Variants in TTC38 observed in about 807,000 individuals in gnomAD.
TTC38 encodes tetratricopeptide repeat domain 38.
TTC38 carries 64 observed loss-of-function variants against 64.2 expected under a neutral mutation model. That is an observed-to-expected ratio of 1.00 (90% CI 0.81 to 1.23). TTC38 has a LOEUF of 1.23. Among genes scored for constraint, TTC38 ranks in the 50% most tolerant of loss-of-function variants. The probability of loss-of-function intolerance (pLI) is 0.00; values close to 1 mark genes in which losing one functional copy is unlikely to be tolerated. For synonymous variants in TTC38, 254 were observed against 249.3 expected (o/e 1.02, Z -0.18); for missense variants, 573 against 615.5 (o/e 0.93, Z 0.73).
In TTC38 at chr22:46,273,492, C is replaced by T. The variant is rs186586560; in HGVS notation, c.194-406C>T. Among the ~76,000 whole-genome samples, 907 of 152,348 alleles carry T rather than the reference C, an allele frequency of 6.0e-3. 7 individuals carry two copies. The highest frequency in any genetic ancestry group is 9.2e-3 in the Non-Finnish European group (626 of 68,024). On this transcript the variant is annotated intron_variant, in intron 3 of 13. Coordinates refer to ENST00000381031, the MANE Select transcript of TTC38 (RefSeq NM_017931.4). This position sits in a 1 kb window ranked among gnomAD's most constrained non-coding sequence, Gnocchi z 5.1. ...GTGAGCAGCACAGATGGGATCATGA[C>T]TTCTGTGCTCCGGGGCCTCCTTGGT...
chr22:46,275,864 TA>T lies in TTC38; in HGVS notation c.539+446del, dbSNP rs1936997014. 6.6e-6 allele frequency among the ~76,000 whole-genome samples: 1 copy of T among 152,032 alleles called. No homozygotes were observed. Among genetic ancestry groups the T allele is most frequent in the Non-Finnish European group, 1.5e-5 (1 of 68,004 alleles). The stretch of plus-strand genomic sequence containing the variant: ...TCCTTGGGGGGCTTACAATGGCAAT[TA>T]AAGGTTTAGAATGAAAGGATACCCT... On this transcript the variant is annotated intron_variant, in intron 5 of 13. Coordinates refer to ENST00000381031, the MANE Select transcript of TTC38 (RefSeq NM_017931.4). The surrounding 1 kb of genome is among the most constrained non-coding windows in gnomAD (Gnocchi z 4.5).
chr22:46,273,257 G>A lies in TTC38; in HGVS notation c.194-641G>A, dbSNP rs532784809. Among the ~76,000 whole-genome samples, 3 of 152,106 alleles carry A rather than the reference G, an allele frequency of 2.0e-5. No individual in the cohort carries two copies. Among genetic ancestry groups the A allele is most frequent in the Non-Finnish European group, 2.9e-5 (2 of 68,010 alleles). On this transcript the variant is annotated intron_variant, in intron 3 of 13. Transcript: ENST00000381031. This position sits in a 1 kb window ranked among gnomAD's most constrained non-coding sequence, Gnocchi z 5.1. ...CTGGGCTGGGCTGGGCTCGACCATCGGAATCACCAGCTGTTTTCCAGGGTC... is the reference window on the plus strand; with the variant it reads ...CTGGGCTGGGCTGGGCTCGACCATCAGAATCACCAGCTGTTTTCCAGGGTC...
At chr22:46,288,387 C>T (rs1230288324) in intron 10 of TTC38, 36 bp from the exon 11 acceptor site, 1 of 1,595,044 alleles carries the variant, frequency 6.3e-7, no homozygotes, top group South Asian at 1.1e-5. Flanking sequence ...CCCAGAGCCT[C>T]ACTCCAGGCC....
chr22:46,273,827 TG>T lies in TTC38; in HGVS notation c.194-70del. ...TGGGACGTGGGGTGTCTCTGTGACA[TG>T]TGGAGTCTGGGCTGGGATGGGCTGA... On this transcript the variant is annotated intron_variant, in intron 3 of 13. Coordinates refer to ENST00000381031, the MANE Select transcript of TTC38 (RefSeq NM_017931.4). This position sits in a 1 kb window ranked among gnomAD's most constrained non-coding sequence, Gnocchi z 5.1. 1 of 1,519,802 alleles carries T rather than the reference TG, an allele frequency of 6.6e-7. No homozygotes were observed. The highest frequency in any genetic ancestry group is 9.1e-7 in the Non-Finnish European group (1 of 1,104,538). 94.1% of individuals were successfully genotyped at this position (1,519,802 alleles called of 1,614,324 possible). A position where few individuals can be genotyped will look rare whatever the true frequency, so the allele number is the denominator to read the frequency against.
chr22:46,288,314 G>A lies in TTC38; in HGVS notation c.917-109G>A, dbSNP rs1321103181. Reference sequence around the variant, plus strand: ...TGCCCACCTCCCCGGCCTCTCACCTGGGACAGGGTCATCAAGGCCTCCAAG... The same window carrying A: ...TGCCCACCTCCCCGGCCTCTCACCTAGGACAGGGTCATCAAGGCCTCCAAG... On this transcript the variant is annotated intron_variant, in intron 10 of 13. Coordinates refer to ENST00000381031, the MANE Select transcript of TTC38 (RefSeq NM_017931.4). 4 of 1,183,676 alleles carry A rather than the reference G, an allele frequency of 3.4e-6. No homozygotes were observed. The East Asian group carries it at 7.2e-5, about 21-fold the overall frequency. The allele number at this position is 1,183,676 out of a possible 1,614,324, so 73.3% of individuals were successfully genotyped here.
chr22:46,275,534 A>G lies in TTC38; in HGVS notation c.539+113A>G. 1 of 1,090,500 alleles carries G rather than the reference A, an allele frequency of 9.2e-7. No individual in the cohort carries two copies. Among genetic ancestry groups the G allele is most frequent in the South Asian group, 1.6e-5 (1 of 63,144 alleles). 67.6% of individuals were successfully genotyped at this position (1,090,500 alleles called of 1,614,324 possible). A position where few individuals can be genotyped will look rare whatever the true frequency, so the allele number is the denominator to read the frequency against. ...TAAAAATAATGGGACCACTGTTGCT[A>G]TTCTCCTAGTTCCTTAAAGTTCAAA... On this transcript the variant is annotated intron_variant, in intron 5 of 13. Coordinates refer to ENST00000381031, the MANE Select transcript of TTC38 (RefSeq NM_017931.4). The surrounding 1 kb of genome is among the most constrained non-coding windows in gnomAD (Gnocchi z 4.5).
chr22:46,275,439 A>T lies in TTC38; in HGVS notation c.539+18A>T. 1 of 1,602,630 alleles carries T rather than the reference A, an allele frequency of 6.2e-7. No homozygotes were observed. Among genetic ancestry groups the T allele is most frequent in the Non-Finnish European group, 8.5e-7 (1 of 1,174,434 alleles). On this transcript the variant is annotated intron_variant, in intron 5 of 13. Coordinates refer to ENST00000381031, the MANE Select transcript of TTC38 (RefSeq NM_017931.4). This position sits in a 1 kb window ranked among gnomAD's most constrained non-coding sequence, Gnocchi z 4.5. ...CTAAGCAGGTATGTGCCAGCTGGAA[A>T]TCACATTATTTCTGTTTCTTAATCT...
In TTC38 at chr22:46,292,879, C is replaced by G; in HGVS notation, c.1405C>G (p.Gln469Glu). ...IRKAATVHLMQ is the reference protein window; with the variant it reads ...IRKAATVHLME ...CAAGGCAGCTACCGTCCACCTCATG[C>G]AGTGAGCCAGCCTGGCCGCCTCCAC... Residue 469 changes from glutamine to glutamate, a missense_variant, in exon 14 of 14, where the codon CAG becomes GAG. Gln to Glu is a conservative substitution (Grantham distance 29). This residue lies in a region of TTC38 where 371 missense variants were observed against 381.8 expected (regional missense o/e 0.97). Transcript: ENST00000381031. This position sits in a 1 kb window ranked among gnomAD's most constrained non-coding sequence, Gnocchi z 6.5. 6.2e-7 allele frequency: 1 copy of G among 1,612,616 alleles called. No homozygotes were observed. The highest frequency in any genetic ancestry group is 1.7e-4 in the Middle Eastern group (1 of 6,050).
rs1349842914 is a variant in TTC38, at chr22:46,278,775, C to G, written c.615+114C>G. 6 of 869,210 alleles carry G rather than the reference C, an allele frequency of 6.9e-6. No homozygotes were observed. The East Asian group carries it at 1.5e-4, about 21-fold the overall frequency. The allele number at this position is 869,210 out of a possible 1,614,324, so 53.8% of individuals were successfully genotyped here. A position where few individuals can be genotyped will look rare whatever the true frequency, so the allele number is the denominator to read the frequency against. ...CCCCGGCGAACCCCATCCCTGGTCT[C>G]ACTTCCTCAGAGAGACTGGGGAGCT... On this transcript the variant is annotated intron_variant, in intron 6 of 13. Transcript: ENST00000381031.
intron 6 of TTC38, chr22:46,279,946 C>T: frequency 5.5e-6 from 2 of 366,398 alleles, no homozygotes; most frequent in Non-Finnish European, 1.1e-5. Context: ...GTGGCAAGTC[C>T]CCCGCACTGA....
chr22:46,279,155 T>C (rs994231186), intron 6 of TTC38, among the ~76,000 whole-genome samples: 11 of 152,188 alleles, frequency 7.2e-5, no homozygotes, highest in African/African-American at 2.2e-4. Context: ...GTCATGATCA[T>C]TGCTGGGTGC....
rs1052177717 is a variant in TTC38 at position 46,271,650 on chromosome 22, A to G, written c.112-685A>G. ...CTCAGCCGCCCAAGTTGCTAGGACTACAGACATGTGCCACCACGCCTGACT... is the reference window on the plus strand; with the variant it reads ...CTCAGCCGCCCAAGTTGCTAGGACTGCAGACATGTGCCACCACGCCTGACT... On this transcript the variant is annotated intron_variant, in intron 2 of 13. Transcript: ENST00000381031. The surrounding 1 kb of genome is among the most constrained non-coding windows in gnomAD (Gnocchi z 5.5). Among the ~76,000 whole-genome samples the G allele has an allele frequency of 1.3e-5, 2 of 152,208 alleles. No individual in the cohort carries two copies. The highest frequency in any genetic ancestry group is 2.9e-5 in the Non-Finnish European group (2 of 68,032).
In TTC38 at chr22:46,293,034, A is replaced by G; in HGVS notation, c.*150A>G. On this transcript the variant is annotated 3_prime_UTR_variant, in exon 14 of 14. Coordinates refer to ENST00000381031, the MANE Select transcript of TTC38 (RefSeq NM_017931.4). The surrounding 1 kb of genome is among the most constrained non-coding windows in gnomAD (Gnocchi z 6.6). ...TCTTCAGTTTTACAGGAAGTGGGTC[A>G]CGGGTTAATTTTAAATGTGATTCCG... 1.7e-6 allele frequency: 1 copy of G among 605,946 alleles called. No individual in the cohort carries two copies. 37.5% of individuals were successfully genotyped at this position (605,946 alleles called of 1,614,324 possible).
Position 46,274,569 on chromosome 22 carries a change from G to T in TTC38, c.365+500G>T, listed in dbSNP as rs769745105. On this transcript the variant is annotated intron_variant, in intron 4 of 13. Coordinates refer to ENST00000381031, the MANE Select transcript of TTC38 (RefSeq NM_017931.4). The surrounding 1 kb of genome is among the most constrained non-coding windows in gnomAD (Gnocchi z 4.8). ...GGCGAGATGCCCTGCAGAGTTAGGC[G>T]ACCCTAGCCGATTGTGCAGGGACTC... 2.2e-4 allele frequency among the ~76,000 whole-genome samples: 33 copies of T among 152,140 alleles called. No homozygotes were observed. The highest frequency in any genetic ancestry group is 4.0e-4 in the Non-Finnish European group (27 of 68,024).
chr22:46,288,737 C>G, intron 11 of TTC38, 149 bp downstream of exon 11: 1 of 753,232 alleles, frequency 1.3e-6, no homozygotes, highest in Non-Finnish European at 2.1e-6. Flanking sequence ...CAGGTGTGCA[C>G]CCCTATAGAT....
At chr22:46,284,824 G>A (rs1251256736) in intron 8 of TTC38, among the ~76,000 whole-genome samples, 1 of 132,520 alleles carries the variant, frequency 7.5e-6, no homozygotes. Context: ...AGCCGAGATT[G>A]TGCCACTGCA....
chr22:46,268,414 G>A, intron 1 of TTC38, 100 bp from the exon 2 acceptor site: 1 of 1,271,122 alleles, frequency 7.9e-7, no homozygotes, highest in Non-Finnish European at 1.1e-6. Flanking sequence ...TTTTACAGAT[G>A]AGGAAGGTGG....
chr22:46,277,040 T>C (rs60848696), intron 5 of TTC38, among the ~76,000 whole-genome samples: 2,188 of 75,482 alleles, frequency 0.029, 39 homozygotes, highest in African/African-American at 0.086. Context: ...AATACATATA[T>C]ATACATACAC....
chr22:46,277,544 G>T (rs549425589), intron 5 of TTC38, among the ~76,000 whole-genome samples: 1 of 142,978 alleles, frequency 7.0e-6, no homozygotes, highest in Non-Finnish European at 1.5e-5. Flanking sequence ...GGCGGAGGTT[G>T]CAGTGAGCTG....
Sources: gnomAD v4.1 joint callset for allele counts (sites outside exome capture counted in the v4.1 genomes callset) on GRCh38, gnomAD v4.1.1 for gene constraint, gnomAD v4.1.1 regional missense constraint, Gnocchi (gnomAD v3.1) non-coding constraint, MANE v1.5 for transcripts, NCBI Gene and HGNC (gene_info 2026-07-23, HGNC 2026-07-21) for gene names.